Variants in CDH12 observed in about 807,000 individuals in gnomAD.
CDH12 encodes the protein cadherin 12.
Under a neutral mutation model 74.1 loss-of-function variants are expected in CDH12, and 41 were observed. That is an observed-to-expected ratio of 0.55 (90% confidence interval 0.43 to 0.72). The LOEUF is 0.72. Ranked by LOEUF, CDH12 falls within the 30% of genes least tolerant of loss-of-function variation. CDH12 has a pLI of 0.00. For synonymous variants in CDH12, 399 were observed against 355.0 expected (o/e 1.12, Z -1.39); for missense variants, 945 against 977.2 (o/e 0.97, Z 0.44).
intron 4 of CDH12, among the ~76,000 whole-genome samples, chr5:22,147,493 G>C (rs1747267309): frequency 1.3e-5 from 2 of 151,660 alleles, no homozygotes; most frequent in South Asian, 4.2e-4. Flanking sequence ...AGTAGGTATT[G>C]GTAATTAATT....
chr5:22,511,453 A>T (rs2126671857), intron 1 of CDH12, among the ~76,000 whole-genome samples: 1 of 152,322 alleles, frequency 6.6e-6, no homozygotes, highest in East Asian at 1.9e-4. Context: ...AAAAAACAGG[A>T]CTTCTAAAAA....
intron 10 of CDH12, among the ~76,000 whole-genome samples, chr5:21,795,089 T>C (rs912531101): frequency 6.6e-6 from 1 of 151,746 alleles, no homozygotes; most frequent in Non-Finnish European, 1.5e-5. Context: ...TTTCCTTTAG[T>C]ATTCACAATG....
chr5:22,639,042 G>T (rs1207961015), intron 1 of CDH12: 2 of 104,342 alleles, frequency 1.9e-5, no homozygotes, highest in Non-Finnish European at 3.5e-5. Flanking sequence ...CAGAGTGAGA[G>T]TCCGCCTCAA....
intron 1 of CDH12, among the ~76,000 whole-genome samples, chr5:22,644,933 T>G (rs1302471962): frequency 6.6e-6 from 1 of 152,028 alleles, no homozygotes; most frequent in Non-Finnish European, 1.5e-5. Flanking sequence ...GCTCATCTGT[T>G]TACAGCCTGA....
At chr5:22,362,361 C>T (rs1325918786) in intron 3 of CDH12, among the ~76,000 whole-genome samples, 34 of 152,252 alleles carry the variant, frequency 2.2e-4, no homozygotes, top group African/African-American at 7.0e-4. Flanking sequence ...CAGAGAAATG[C>T]AAATCAAAAC....
intron 1 of CDH12, among the ~76,000 whole-genome samples, chr5:22,845,281 G>C (rs1010173511): frequency 1.3e-5 from 2 of 152,056 alleles, no homozygotes; most frequent in South Asian, 2.1e-4. Flanking sequence ...CTAATGATTA[G>C]TACATTTATA....
intron 6 of CDH12, among the ~76,000 whole-genome samples, chr5:21,934,471 A>G (rs1370445830): frequency 6.6e-6 from 1 of 152,226 alleles, no homozygotes; most frequent in African/African-American, 2.4e-5. Flanking sequence ...AAAGAAAGGT[A>G]AAGTAAGTAT....
At position 22,558,149 on chromosome 5, in the gene CDH12, A is replaced by C. The variant is rs533825269; in HGVS notation, c.-522-52785T>G. Among the ~76,000 whole-genome samples the C allele has an allele frequency of 2.0e-5, 3 of 152,240 alleles. No homozygotes were observed. In the South Asian group the frequency reaches 6.2e-4, roughly 31 times the overall value. On this transcript the variant is annotated intron_variant, in intron 1 of 14. Transcript: ENST00000382254. ...CGCAGCAGGAGCCAGGACCTAGTGCATATGCAAAGAGATAAACCAGAGAAG... is the reference window on the plus strand; with the variant it reads ...CGCAGCAGGAGCCAGGACCTAGTGCCTATGCAAAGAGATAAACCAGAGAAG...
intron 5 of CDH12, among the ~76,000 whole-genome samples, chr5:22,033,768 T>C (rs2150175890): frequency 6.6e-6 from 1 of 152,280 alleles, no homozygotes; most frequent in East Asian, 1.9e-4. Flanking sequence ...ATATTTTTAA[T>C]AAAGTGGGAC....
At chr5:22,649,741 G>T (rs1250902889) in intron 1 of CDH12, among the ~76,000 whole-genome samples, 3 of 151,808 alleles carry the variant, frequency 2.0e-5, no homozygotes, top group Admixed American at 6.6e-5. Context: ...TTCTATAATC[G>T]CTTCAGAAAA....
At chr5:21,809,831 T>A (rs1198572125) in intron 9 of CDH12, among the ~76,000 whole-genome samples, 1 of 152,126 alleles carries the variant, frequency 6.6e-6, no homozygotes, top group East Asian at 1.9e-4. Flanking sequence ...AGGAATGAGT[T>A]GTATTTTCAA....
At chr5:22,424,637 T>C (rs928069121) in intron 2 of CDH12, among the ~76,000 whole-genome samples, 1 of 152,232 alleles carries the variant, frequency 6.6e-6, no homozygotes, top group African/African-American at 2.4e-5. Flanking sequence ...ACATGGTATG[T>C]TCCCTCTTCA....
At chr5:21,818,147 A>C (rs995825985) in intron 8 of CDH12, among the ~76,000 whole-genome samples, 2 of 151,930 alleles carry the variant, frequency 1.3e-5, no homozygotes, top group African/African-American at 4.8e-5. Flanking sequence ...TAAACACCAA[A>C]ATCTAAAGTT....
chr5:22,660,825 G>T (rs929982065), intron 1 of CDH12, among the ~76,000 whole-genome samples: 1 of 152,064 alleles, frequency 6.6e-6, no homozygotes, highest in African/African-American at 2.4e-5. Context: ...AGTTTTTAAA[G>T]AATTCATGAT....
intron 5 of CDH12, among the ~76,000 whole-genome samples, chr5:21,979,430 A>C (rs1324706741): frequency 6.6e-6 from 1 of 152,178 alleles, no homozygotes. Context: ...GAGATGCCAA[A>C]GAAGGCTTAA....
rs1347338743 is a variant in CDH12, at chr5:22,202,169, C to CCCTT, written c.-187+10325_-187+10328dup. On this transcript the variant is annotated intron_variant, in intron 4 of 14. Coordinates refer to ENST00000382254, the MANE Select transcript of CDH12 (RefSeq NM_004061.5). ...TACTTTCCTTCCTTCCTTCCTTCCT[C>CCCTT]CCTTCCTTCCTTCCTTCCTTCCTTC... is the stretch of plus-strand genomic sequence containing the variant. Among the ~76,000 whole-genome samples the CCCTT allele has an allele frequency of 3.3e-3, 267 of 82,140 alleles. 5 individuals carry two copies. Among genetic ancestry groups the CCCTT allele is most frequent in the African/African-American group, 0.011 (251 of 23,630 alleles). The allele number at this position is 82,140 out of a possible 152,430, so 53.9% of individuals were successfully genotyped here. A position where few individuals can be genotyped will look rare whatever the true frequency, so the allele number is the denominator to read the frequency against.
At chr5:21,801,622 A>C (rs2149922090) in intron 10 of CDH12, among the ~76,000 whole-genome samples, 1 of 152,294 alleles carries the variant, frequency 6.6e-6, no homozygotes, top group Non-Finnish European at 1.5e-5. Flanking sequence ...GCAATTCCAT[A>C]AATTCATTTT....
Position 21,854,777 on chromosome 5 carries a change from G to C in CDH12, c.540C>G (p.Leu180=). 1 of 1,609,380 alleles carries C rather than the reference G, an allele frequency of 6.2e-7. No individual in the cohort carries two copies. Among genetic ancestry groups the C allele is most frequent in the Non-Finnish European group, 8.5e-7 (1 of 1,177,298 alleles). ...PEMSPVGAYV[L]QVKATDADDP... The stretch of plus-strand genomic sequence containing the variant: ...CATCTGCATCTGTGGCCTTGACCTG[G>C]AGTACATATGCACCTGGAAAATAAG... Residue 180 remains leucine, a synonymous_variant, in exon 7 of 15, where the codon CTC becomes CTG. Coordinates refer to ENST00000382254, the MANE Select transcript of CDH12 (RefSeq NM_004061.5).
chr5:22,291,738 G>T (rs1379096757), intron 3 of CDH12, among the ~76,000 whole-genome samples: 1 of 152,060 alleles, frequency 6.6e-6, no homozygotes, highest in East Asian at 1.9e-4. Flanking sequence ...TTGTGTTCAT[G>T]GATTGGATTA....
Sources: gnomAD v4.1 joint callset for allele counts (sites outside exome capture counted in the v4.1 genomes callset) on GRCh38, gnomAD v4.1.1 for gene constraint, MANE v1.5 for transcripts, NCBI Gene and HGNC (gene_info 2026-07-23, HGNC 2026-07-21) for gene names.